The following SESN2 variants were observed in gnomAD, a reference collection of about 807,000 sequenced individuals.
SESN2 encodes sestrin-2.
A neutral mutation model predicts 56.0 loss-of-function variants in SESN2; 42 were observed. The observed-to-expected ratio is 0.75, with a 90% confidence interval of 0.59 to 0.97. SESN2 has a LOEUF of 0.97. Ranked by LOEUF, SESN2 falls within the 50% of genes least tolerant of loss-of-function variation. The pLI is 0.00. For missense variants in SESN2, 507 were observed against 649.4 expected (o/e 0.78, Z 2.38); for synonymous variants, 264 against 267.1 (o/e 0.99, Z 0.11).
chr1:28,274,750 A>G lies in SESN2; in HGVS notation c.1021-75A>G. Reference sequence around the variant, plus strand: ...CAGGAAGGAGAATCATGGAGATCCCAGGTCCAGAGGATGGGGGTCTCTCTG... The same window carrying G: ...CAGGAAGGAGAATCATGGAGATCCCGGGTCCAGAGGATGGGGGTCTCTCTG... On this transcript the variant is annotated intron_variant, in intron 7 of 9. Transcript: ENST00000253063. The G allele has an allele frequency of 3.5e-6, 4 of 1,155,780 alleles. No individual in the cohort carries two copies. In the South Asian group the frequency reaches 5.6e-5, roughly 16 times the overall value. The allele number at this position is 1,155,780 out of a possible 1,614,324, so 71.6% of individuals were successfully genotyped here.
Position 28,272,608 on chromosome 1 carries a change from T to TGGTCCCTGGCCGAGCTCATTC in SESN2, c.566_586dup (p.Ile195_Gln196insArgSerLeuAlaGluLeuIle). 1 of 1,614,072 alleles carries TGGTCCCTGGCCGAGCTCATTC rather than the reference T, an allele frequency of 6.2e-7. No individual in the cohort carries two copies. Among genetic ancestry groups the TGGTCCCTGGCCGAGCTCATTC allele is most frequent in the Non-Finnish European group, 8.5e-7 (1 of 1,180,000 alleles). On this transcript the variant is annotated inframe_insertion, in exon 5 of 10. Coordinates refer to ENST00000253063, the MANE Select transcript of SESN2 (RefSeq NM_031459.5). ...CTTGCTGAAGACCGGCGAGCACACT[T>TGGTCCCTGGCCGAGCTCATTC]GGTCCCTGGCCGAGCTCATTCAGGC...
intron 8 of SESN2, among the ~76,000 whole-genome samples, chr1:28,278,303 T>A: frequency 6.6e-6 from 1 of 152,172 alleles, no homozygotes; most frequent in Non-Finnish European, 1.5e-5. Flanking sequence ...GCGTGGTGGC[T>A]CACGCCTGTA....
At chr1:28,276,692 G>A (rs1458145328) in intron 8 of SESN2, among the ~76,000 whole-genome samples, 2 of 128,390 alleles carry the variant, frequency 1.6e-5, no homozygotes, top group Admixed American at 8.7e-5. Flanking sequence ...GGATTCTCCC[G>A]CCTCAGCCGT....
chr1:28,268,955 G>C (rs1056383164), intron 1 of SESN2, among the ~76,000 whole-genome samples: 3 of 152,160 alleles, frequency 2.0e-5, no homozygotes, highest in Admixed American at 6.6e-5. Context: ...TGGGATTCTT[G>C]GGTCCCAACC....
rs1648222395 is a variant in SESN2 at position 28,281,047 on chromosome 1, C to T, written c.*245C>T. 2 of 448,196 alleles carry T rather than the reference C, an allele frequency of 4.5e-6. No individual in the cohort carries two copies. Among genetic ancestry groups the T allele is most frequent in the Admixed American group, 3.8e-5 (1 of 26,422 alleles). 27.8% of individuals were successfully genotyped at this position (448,196 alleles called of 1,614,324 possible). A position where few individuals can be genotyped will look rare whatever the true frequency, so the allele number is the denominator to read the frequency against. ...AGCACTTGGAGATCCTAAGGGACCA[C>T]ACCCTTCCTCCTTCCCCTGCCCACA... is the stretch of plus-strand genomic sequence containing the variant. On this transcript the variant is annotated 3_prime_UTR_variant, in exon 10 of 10. Coordinates refer to ENST00000253063, the MANE Select transcript of SESN2 (RefSeq NM_031459.5).
At chr1:28,260,902 C>G (rs991135573) in intron 1 of SESN2, among the ~76,000 whole-genome samples, 1 of 152,068 alleles carries the variant, frequency 6.6e-6, no homozygotes, top group African/African-American at 2.4e-5. Context: ...CCTAAGTCCT[C>G]AGGACTAAAC....
At chr1:28,280,388 A>G (rs1183636392) in intron 9 of SESN2, among the ~76,000 whole-genome samples, 1 of 152,170 alleles carries the variant, frequency 6.6e-6, no homozygotes, top group African/African-American at 2.4e-5. Context: ...TTGTATTTTT[A>G]GTAGAGATGG....
chr1:28,260,867 G>C (rs985202368), intron 1 of SESN2, among the ~76,000 whole-genome samples: 1 of 152,004 alleles, frequency 6.6e-6, no homozygotes, highest in South Asian at 2.1e-4. Flanking sequence ...CTAGATACCA[G>C]GCTCTGAGTT....
Position 28,272,430 on chromosome 1 carries a change from G to A in SESN2, c.501G>A (p.Ala167=), listed in dbSNP as rs1044463061. 7 of 1,613,248 alleles carry A rather than the reference G, an allele frequency of 4.3e-6. No homozygotes were observed. Among genetic ancestry groups the A allele is most frequent in the East Asian group, 2.2e-5 (1 of 44,886 alleles). Residue 167 remains alanine (A), a synonymous_variant, in exon 4 of 10, where the codon GCG becomes GCA. Transcript: ENST00000253063. ...TCAGCGAGATCAACAAGTTGCTGGC[G>A]CATCGGCCATGGCTCATCACCAAGG... ...RKLSEINKLL[A]HRPWLITKEH... is the part of the protein sequence containing the mutation.
chr1:28,259,913 C>T lies in SESN2; in HGVS notation c.66C>T (p.Gly22=), dbSNP rs1295001006. 3 of 1,477,340 alleles carry T rather than the reference C, an allele frequency of 2.0e-6. No homozygotes were observed. Among genetic ancestry groups the T allele is most frequent in the East Asian group, 2.9e-5 (1 of 34,972 alleles). The allele number at this position is 1,477,340 out of a possible 1,614,324, so 91.5% of individuals were successfully genotyped here. ...ACTACCTGCGGTTCGCCCCGGGCGG[C>T]GTCGGCGACTCGGGCCCCGGAGAGG... is the stretch of plus-strand genomic sequence containing the variant. ...LKDYLRFAPG[G]VGDSGPGEEQ... is the part of the protein sequence containing the mutation. The change falls in exon 1 of 10, where the codon GGC becomes GGT. Residue 22 remains glycine, a synonymous_variant. Transcript: ENST00000253063.
chr1:28,266,303 G>A (rs556718382), intron 1 of SESN2, among the ~76,000 whole-genome samples: 5 of 152,126 alleles, frequency 3.3e-5, no homozygotes, highest in African/African-American at 4.8e-5. Flanking sequence ...CTAATGTACC[G>A]CTTGGGTTGA....
chr1:28,271,006 A>AC (rs763842634), intron 2 of SESN2, among the ~76,000 whole-genome samples: 5 of 151,984 alleles, frequency 3.3e-5, no homozygotes, highest in African/African-American at 1.2e-4. Context: ...ACATAGTGGG[A>AC]CCCCGTCTGT....
intron 2 of SESN2, among the ~76,000 whole-genome samples, chr1:28,270,918 A>G (rs1034072548): frequency 5.3e-5 from 8 of 152,096 alleles, no homozygotes; most frequent in Non-Finnish European, 1.2e-4. Flanking sequence ...ACAGTAGCTC[A>G]TGCCTGTAAT....
At chr1:28,272,142 C>A in intron 3 of SESN2, 142 bp from the exon 4 acceptor site, 1 of 885,716 alleles carries the variant, frequency 1.1e-6, no homozygotes, top group Non-Finnish European at 1.7e-6. Context: ...AAGCTGGTGG[C>A]AGAGCTGGGG....
chr1:28,265,288 A>G (rs1252523606), intron 1 of SESN2, among the ~76,000 whole-genome samples: 5 of 152,312 alleles, frequency 3.3e-5, no homozygotes, highest in African/African-American at 1.2e-4. Flanking sequence ...TCGGGGAAGC[A>G]TTCAGGGTAT....
At chr1:28,274,285 A>G (rs1647941873) in intron 7 of SESN2, 127 bp downstream of exon 7, 1 of 688,192 alleles carries the variant, frequency 1.5e-6, no homozygotes, top group East Asian at 2.6e-5. Flanking sequence ...TAATCCCAGC[A>G]CTTTGGGAAG....
chr1:28,264,277 C>G (rs1313003964), intron 1 of SESN2, among the ~76,000 whole-genome samples: 1 of 151,524 alleles, frequency 6.6e-6, no homozygotes, highest in Non-Finnish European at 1.5e-5. Flanking sequence ...CAAGATCACG[C>G]AACTGCACTC....
At chr1:28,274,742 G>A (rs1398309105) in intron 7 of SESN2, 83 bp from the exon 8 acceptor site, 2 of 1,079,376 alleles carry the variant, frequency 1.9e-6, no homozygotes, top group East Asian at 4.8e-5. Context: ...GAGAATCATG[G>A]AGATCCCAGG....
intron 8 of SESN2, among the ~76,000 whole-genome samples, chr1:28,278,632 G>C (rs1313288963): frequency 6.6e-6 from 1 of 152,188 alleles, no homozygotes; most frequent in African/African-American, 2.4e-5. Context: ...CTGCAACTCT[G>C]AAATCAAGTT....
Sources: allele counts gnomAD v4.1 joint callset (sites outside exome capture counted in the v4.1 genomes callset), GRCh38; gene constraint gnomAD v4.1.1; transcripts MANE v1.5; gene names NCBI Gene and HGNC (gene_info 2026-07-23, HGNC 2026-07-21).